Variants in MMUT observed in about 807,000 individuals in gnomAD.
MMUT encodes the protein methylmalonyl-CoA mutase.
A neutral mutation model predicts 79.9 loss-of-function variants in MMUT; 79 were observed. The observed-to-expected ratio is 0.99, with a 90% CI of 0.82 to 1.19. The LOEUF (loss-of-function observed/expected upper bound fraction) is 1.19. Among genes scored for constraint, MMUT ranks in the 50% most tolerant of loss-of-function variants. MMUT has a pLI of 0.00. For missense variants in MMUT, 860 were observed against 917.2 expected (o/e 0.94, Z 0.81); for synonymous variants, 273 against 295.7 (o/e 0.92, Z 0.79).
At chr6:49,436,691 C>T (rs1478062864) in intron 11 of MMUT, among the ~76,000 whole-genome samples, 1 of 151,680 alleles carries the variant, frequency 6.6e-6, no homozygotes. Flanking sequence ...ACCTAAATGC[C>T]CATCAGTGAT....
chr6:49,442,697 T>G lies in MMUT; in HGVS notation c.1677-726A>C, dbSNP rs371886047. On this transcript the variant is annotated intron_variant, in intron 9 of 12. Transcript: ENST00000274813. Reference sequence around the variant, plus strand: ...TAAAAAGGGGGATCCCAAGGGAACATAAAACAGTAAGAGTGTTTGAAAAAG... The same window carrying G: ...TAAAAAGGGGGATCCCAAGGGAACAGAAAACAGTAAGAGTGTTTGAAAAAG... 3.3e-5 allele frequency among the ~76,000 whole-genome samples: 5 copies of G among 152,148 alleles called. No homozygotes were observed. In the South Asian group the frequency reaches 8.3e-4, roughly 25 times the overall value.
Position 49,441,932 on chromosome 6 carries a change from T to C in MMUT, c.1716A>G (p.Val572=). 3 of 1,611,952 alleles carry C rather than the reference T, an allele frequency of 1.9e-6. No individual in the cohort carries two copies. The East Asian group carries it at 6.7e-5, about 36-fold the overall frequency. The change falls in exon 10 of 13, where the codon GTA becomes GTG. Residue 572 remains valine (V), a synonymous_variant. Transcript: ENST00000274813. The part of the protein sequence containing the change: ...VGEITDALKK[V]FGEHKANDRM... ...GATCATTCGCTTTATGTTCACCAAA[T>C]ACCTTTTTCAGGGCATCTGTGATTT... is the stretch of plus-strand genomic sequence containing the variant.
intron 11 of MMUT, among the ~76,000 whole-genome samples, chr6:49,438,636 T>G (rs1767194686): frequency 1.3e-5 from 2 of 152,176 alleles, no homozygotes; most frequent in South Asian, 4.1e-4. Flanking sequence ...TAATACTCCA[T>G]GTCAACTTGG....
chr6:49,438,045 T>C (rs1767178286), intron 11 of MMUT, among the ~76,000 whole-genome samples: 2 of 152,146 alleles, frequency 1.3e-5, no homozygotes, highest in African/African-American at 4.8e-5. Flanking sequence ...ATAATTTACA[T>C]AGTAAATTTC....
chr6:49,458,957 A>G (rs2127420311), intron 2 of MMUT, 125 bp downstream of exon 2: 1 of 960,618 alleles, frequency 1.0e-6, no homozygotes, highest in Non-Finnish European at 1.5e-6. Flanking sequence ...CTTTTTTCAG[A>G]GTATAGTCTT....
chr6:49,453,212 T>G (rs1767600964), intron 5 of MMUT, among the ~76,000 whole-genome samples: 1 of 152,066 alleles, frequency 6.6e-6, no homozygotes, highest in Non-Finnish European at 1.5e-5. Flanking sequence ...CAACTAATTT[T>G]GTATTTTTAG....
intron 11 of MMUT, among the ~76,000 whole-genome samples, chr6:49,436,328 G>T (rs1459312874): frequency 2.0e-5 from 3 of 152,060 alleles, no homozygotes; most frequent in African/African-American, 7.2e-5. Flanking sequence ...GCTTGCAGCT[G>T]GGCGTGGTGG....
At chr6:49,442,349 A>G (rs1767298837) in intron 9 of MMUT, among the ~76,000 whole-genome samples, 1 of 152,070 alleles carries the variant, frequency 6.6e-6, no homozygotes, top group Non-Finnish European at 1.5e-5. Flanking sequence ...TATTCCATCC[A>G]TTTGTTCACT....
intron 9 of MMUT, among the ~76,000 whole-genome samples, 169 bp from the exon 10 acceptor site, chr6:49,442,140 TA>T (rs1767293427): frequency 6.6e-6 from 1 of 152,160 alleles, no homozygotes; most frequent in Non-Finnish European, 1.5e-5. Context: ...TGAAATTACT[TA>T]AGAAAAATTT....
At position 49,453,764 on chromosome 6, in the gene MMUT, A is replaced by G. The variant is rs2127418720; in HGVS notation, c.912-8T>C. The G allele has an allele frequency of 6.2e-7, 1 of 1,606,338 alleles. No individual in the cohort carries two copies. Among genetic ancestry groups the G allele is most frequent in the South Asian group, 1.1e-5 (1 of 90,936 alleles). ...CCCCAGAAGAAAGACAACCTAAAAT[A>G]GTAACGTTAGGTCCAGAATTTAATT... On this transcript the variant is annotated splice_region_variant and splice_polypyrimidine_tract_variant and intron_variant, in intron 4 of 12. Coordinates refer to ENST00000274813, the MANE Select transcript of MMUT (RefSeq NM_000255.4).
At chr6:49,432,292 T>C (rs1766999000) in intron 12 of MMUT, among the ~76,000 whole-genome samples, 1 of 152,148 alleles carries the variant, frequency 6.6e-6, no homozygotes, top group Admixed American at 6.5e-5. Flanking sequence ...CACTTTGAAT[T>C]TGGACAACTG....
chr6:49,434,376 T>C lies in MMUT; in HGVS notation c.2124+1080A>G, dbSNP rs1331055533. Among the ~76,000 whole-genome samples the C allele has an allele frequency of 1.3e-5, 2 of 152,170 alleles. 1 individual carries two copies. The highest frequency in any genetic ancestry group is 4.8e-5 in the African/African-American group (2 of 41,434). On this transcript the variant is annotated intron_variant, in intron 12 of 12. Coordinates refer to ENST00000274813, the MANE Select transcript of MMUT (RefSeq NM_000255.4). ...ATTACGAATCTCACAACTTTATTCA[T>C]ATGAATTTTCTCCTTTCACAAGTAG...
At chr6:49,448,703 C>T (rs1022912835) in intron 7 of MMUT, 113 bp downstream of exon 7, 13 of 883,020 alleles carry the variant, frequency 1.5e-5, no homozygotes, top group Non-Finnish European at 2.0e-5. Context: ...AAAATTTACC[C>T]AAGTTCCATT....
chr6:49,432,630 G>A (rs992328163), intron 12 of MMUT, among the ~76,000 whole-genome samples: 7 of 152,038 alleles, frequency 4.6e-5, no homozygotes, highest in South Asian at 2.1e-4. Flanking sequence ...CTCGTGATCC[G>A]CCCACCTTGG....
chr6:49,439,189 T>C (rs1767207625), intron 11 of MMUT, among the ~76,000 whole-genome samples: 1 of 152,172 alleles, frequency 6.6e-6, no homozygotes, highest in African/African-American at 2.4e-5. Context: ...TATAGTTAGA[T>C]GGGTCAGAAA....
chr6:49,451,211 T>A (rs1168414003), intron 6 of MMUT, among the ~76,000 whole-genome samples: 1 of 152,200 alleles, frequency 6.6e-6, no homozygotes, highest in African/African-American at 2.4e-5. Flanking sequence ...TATGAGCTTT[T>A]TAATACTAGC....
chr6:49,432,062 A>C (rs1036388920), intron 12 of MMUT, among the ~76,000 whole-genome samples: 2 of 152,152 alleles, frequency 1.3e-5, no homozygotes, highest in African/African-American at 4.8e-5. Context: ...TTATTTAAAA[A>C]ACAAAACACT....
intron 12 of MMUT, among the ~76,000 whole-genome samples, chr6:49,432,622 C>T (rs903921459): frequency 2.0e-5 from 3 of 152,104 alleles, no homozygotes; most frequent in African/African-American, 4.8e-5. Flanking sequence ...CTCCTGACCT[C>T]GTGATCCGCC....
At chr6:49,440,492 T>G in intron 10 of MMUT, 139 bp from the exon 11 acceptor site, 1 of 936,734 alleles carries the variant, frequency 1.1e-6, no homozygotes, top group Non-Finnish European at 1.6e-6. Context: ...TGGGTTGTTT[T>G]TTTTTTCCAA....
Sources: allele counts gnomAD v4.1 joint callset (sites outside exome capture counted in the v4.1 genomes callset), GRCh38; gene constraint gnomAD v4.1.1; transcripts MANE v1.5; gene names NCBI Gene and HGNC (gene_info 2026-07-23, HGNC 2026-07-21).